PRKCE: variants seen among roughly 807,000 people sequenced by gnomAD.
PRKCE encodes protein kinase C epsilon.
A neutral mutation model predicts 85.4 loss-of-function variants in PRKCE; 16 were observed. That is an observed-to-expected ratio of 0.19 (90% CI 0.13 to 0.28). PRKCE has a LOEUF of 0.28. Among genes scored for constraint, PRKCE ranks in the 10% least tolerant of loss-of-function variants. The pLI, the probability that PRKCE is intolerant of heterozygous loss-of-function variation, is 1.00. For missense variants in PRKCE, 573 were observed against 975.2 expected, an observed-to-expected ratio of 0.59 and a Z score of 5.49; for synonymous variants, 388 against 371.5, an observed-to-expected ratio of 1.04 and a Z score of -0.51.
At chr2:45,732,571 T>C (rs72884492) in intron 1 of PRKCE, among the ~76,000 whole-genome samples, 1,905 of 152,298 alleles carry the variant, frequency 0.013, 35 homozygotes, top group African/African-American at 0.043. Flanking sequence ...TGGGCAGTAG[T>C]AGTAGTGGTA....
chr2:45,776,996 C>T (rs1685802919), intron 1 of PRKCE, among the ~76,000 whole-genome samples: 2 of 152,122 alleles, frequency 1.3e-5, no homozygotes, highest in Non-Finnish European at 2.9e-5. Flanking sequence ...GAGAGGAGTG[C>T]AGGGTCTCAT....
chr2:45,731,852 A>G (rs1164182542), intron 1 of PRKCE, among the ~76,000 whole-genome samples: 1 of 152,028 alleles, frequency 6.6e-6, no homozygotes, highest in Non-Finnish European at 1.5e-5. Flanking sequence ...TCCTGGGCTC[A>G]AGGTATCCTC....
At chr2:46,050,251 T>A (rs1018284913) in intron 10 of PRKCE, among the ~76,000 whole-genome samples, 3 of 152,354 alleles carry the variant, frequency 2.0e-5, no homozygotes, top group South Asian at 2.1e-4. Context: ...TAATTTCTTA[T>A]GAGCCCTTTG....
Position 46,004,514 on chromosome 2 carries a change from C to T in PRKCE, c.967-28C>T, listed in dbSNP as rs760648363. On this transcript the variant is annotated intron_variant, in intron 7 of 14. Coordinates refer to ENST00000306156, the MANE Select transcript of PRKCE (RefSeq NM_005400.3). The surrounding 1 kb of genome is among the most constrained non-coding windows in gnomAD (Gnocchi z 4.1). ...AACTCTCAACCCTCCCTTCTGATGC[C>T]TCTGTCCCTGCTTTCTCTCCTCTCT... 5.5e-5 allele frequency: 84 copies of T among 1,541,200 alleles called. No individual in the cohort carries two copies. The highest frequency in any genetic ancestry group is 2.8e-4 in the Admixed American group (15 of 53,032).
chr2:45,806,783 G>A (rs1027545157), intron 1 of PRKCE, among the ~76,000 whole-genome samples: 1 of 152,200 alleles, frequency 6.6e-6, no homozygotes, highest in Non-Finnish European at 1.5e-5. Context: ...CGGGGTGGGT[G>A]AGGAAATGAG....
At chr2:45,728,095 C>T (rs1398172680) in intron 1 of PRKCE, among the ~76,000 whole-genome samples, 1 of 152,168 alleles carries the variant, frequency 6.6e-6, no homozygotes, top group African/African-American at 2.4e-5. Flanking sequence ...TCTTTTCAAG[C>T]CTGCTCCTTC....
At chr2:45,794,136 C>T (rs1391716920) in intron 1 of PRKCE, among the ~76,000 whole-genome samples, 1 of 152,078 alleles carries the variant, frequency 6.6e-6, no homozygotes, top group African/African-American at 2.4e-5. Flanking sequence ...GTTGACCAGT[C>T]AATGCAGAAC....
chr2:45,994,527 T>G (rs941715627), intron 6 of PRKCE, among the ~76,000 whole-genome samples: 1 of 152,226 alleles, frequency 6.6e-6, no homozygotes, highest in African/African-American at 2.4e-5. Flanking sequence ...TGTCCTATAG[T>G]TGGAATGATA....
At chr2:45,881,695 C>A (rs1162389254) in intron 2 of PRKCE, among the ~76,000 whole-genome samples, 1 of 152,104 alleles carries the variant, frequency 6.6e-6, no homozygotes, top group Non-Finnish European at 1.5e-5. Context: ...AAACTAAGAC[C>A]CAGCACGATG....
chr2:45,704,279 T>C (rs1319724697), intron 1 of PRKCE, among the ~76,000 whole-genome samples: 1 of 152,200 alleles, frequency 6.6e-6, no homozygotes, highest in African/African-American at 2.4e-5. Context: ...GGGTTGGTTT[T>C]TCTGGTTTGT....
intron 11 of PRKCE, among the ~76,000 whole-genome samples, chr2:46,111,709 A>G (rs937643997): frequency 3.2e-4 from 48 of 152,272 alleles, no homozygotes; most frequent in African/African-American, 9.6e-4. Flanking sequence ...TGGATATACC[A>G]CATTTTGTTT....
chr2:46,029,842 G>T (rs1707395145), intron 10 of PRKCE, among the ~76,000 whole-genome samples: 1 of 152,080 alleles, frequency 6.6e-6, no homozygotes, highest in Non-Finnish European at 1.5e-5. Context: ...AGTGGAGGAG[G>T]AAATGATGTT....
chr2:45,970,519 TATCATTAAAAAAGATAC>T (rs1437302773), intron 2 of PRKCE, among the ~76,000 whole-genome samples: 19 of 152,162 alleles, frequency 1.2e-4, no homozygotes, highest in African/African-American at 3.6e-4. Context: ...TACATAAATG[TATCATTAAAAAAGATAC>T]ATTTATGTAT....
Position 46,123,214 on chromosome 2 carries a change from C to CTTTTTTTTTTTTTTTTTTTTTTTT in PRKCE, c.1593-21873_1593-21850dup, listed in dbSNP as rs70937991. On this transcript the variant is annotated intron_variant, in intron 11 of 14. Transcript: ENST00000306156. ...AAGCTTTACAAAGGAAAACACTTGC[C>CTTTTTTTTTTTTTTTTTTTTTTTT]TTTTTTTTTTTTTTTTTTTTTTTTT... Among the ~76,000 whole-genome samples the CTTTTTTTTTTTTTTTTTTTTTTTT allele has an allele frequency of 3.5e-3, 95 of 27,374 alleles. 20 individuals are homozygous for CTTTTTTTTTTTTTTTTTTTTTTTT. Among genetic ancestry groups the CTTTTTTTTTTTTTTTTTTTTTTTT allele is most frequent in the African/African-American group, 4.2e-3 (33 of 7,910 alleles). The allele number at this position is 27,374 out of a possible 152,430, so 18.0% of individuals were successfully genotyped here. A position where few individuals can be genotyped will look rare whatever the true frequency, so the allele number is the denominator to read the frequency against.
chr2:45,976,392 A>G (rs781644930), intron 2 of PRKCE, 37 bp from the exon 3 acceptor site: 6 of 1,590,572 alleles, frequency 3.8e-6, no homozygotes, highest in Non-Finnish European at 5.1e-6. Context: ...GCACTAACCC[A>G]GACTCCGTTT....
chr2:45,691,056 G>C (rs936242136), intron 1 of PRKCE, among the ~76,000 whole-genome samples: 1 of 152,224 alleles, frequency 6.6e-6, no homozygotes, highest in Admixed American at 6.5e-5. Flanking sequence ...TATGGCTTAG[G>C]ATTAGATTTA....
At chr2:46,037,945 A>C (rs1707973274) in intron 10 of PRKCE, among the ~76,000 whole-genome samples, 1 of 152,218 alleles carries the variant, frequency 6.6e-6, no homozygotes, top group South Asian at 2.1e-4. Context: ...TCTTAAAAAC[A>C]TAAAAAATAA....
At chr2:45,906,492 C>T (rs184664400) in intron 2 of PRKCE, among the ~76,000 whole-genome samples, 3 of 152,350 alleles carry the variant, frequency 2.0e-5, no homozygotes, top group Admixed American at 6.5e-5. Flanking sequence ...ACCTGTGGTG[C>T]TATGCATGGC....
intron 1 of PRKCE, among the ~76,000 whole-genome samples, chr2:45,660,658 T>G (rs1167245545): frequency 6.6e-6 from 1 of 152,204 alleles, no homozygotes; most frequent in East Asian, 1.9e-4. Context: ...TAGGCTAAAA[T>G]AACTCCAGAG....
Sources: gnomAD v4.1 joint callset for allele counts (sites outside exome capture counted in the v4.1 genomes callset) on GRCh38, gnomAD v4.1.1 for gene constraint, Gnocchi (gnomAD v3.1) non-coding constraint, MANE v1.5 for transcripts, NCBI Gene and HGNC (gene_info 2026-07-23, HGNC 2026-07-21) for gene names.